The following NRXN3 variants were observed in gnomAD, a reference collection of about 807,000 sequenced individuals.
NRXN3 encodes the protein neurexin III.
Under a neutral mutation model 137.6 loss-of-function variants are expected in NRXN3, and 32 were observed. That is an observed-to-expected ratio of 0.23 (90% confidence interval 0.18 to 0.31). The LOEUF is 0.31. NRXN3 is among the 10% of genes least tolerant of loss of function. The probability of loss-of-function intolerance (pLI) is 1.00; values close to 1 mark genes in which losing one functional copy is unlikely to be tolerated. For synonymous variants in NRXN3, 798 were observed against 784.5 expected, an observed-to-expected ratio of 1.02 and a Z score of -0.29; for missense variants, 1,574 against 2,062.5, an observed-to-expected ratio of 0.76 and a Z score of 4.59.
intron 16 of NRXN3, among the ~76,000 whole-genome samples, chr14:79,539,003 G>A (rs756596389): frequency 4.6e-5 from 7 of 152,156 alleles, no homozygotes; most frequent in Non-Finnish European, 7.3e-5. Context: ...GACACTGAGA[G>A]ATTAAATAAC....
At chr14:78,932,818 T>C (rs892028737) in intron 10 of NRXN3, among the ~76,000 whole-genome samples, 1 of 152,192 alleles carries the variant, frequency 6.6e-6, no homozygotes, top group Non-Finnish European at 1.5e-5. Flanking sequence ...ATATTTTTTA[T>C]TGTTCAATGA....
At chr14:79,204,329 C>T (rs1044559286) in intron 15 of NRXN3, among the ~76,000 whole-genome samples, 1 of 151,630 alleles carries the variant, frequency 6.6e-6, no homozygotes, top group African/African-American at 2.4e-5. Context: ...TTACCTCTTT[C>T]TCCCTCACCC....
At chr14:78,923,053 A>G (rs143265004) in intron 10 of NRXN3, among the ~76,000 whole-genome samples, 30 of 152,098 alleles carry the variant, frequency 2.0e-4, no homozygotes, top group African/African-American at 6.5e-4. Context: ...CCTATGTAGT[A>G]TGTGACTTTC....
intron 15 of NRXN3, among the ~76,000 whole-genome samples, chr14:78,995,180 T>C (rs1390330323): frequency 6.6e-6 from 1 of 152,208 alleles, no homozygotes; most frequent in East Asian, 1.9e-4. Flanking sequence ...GGAAATTGTG[T>C]TCTTGATGAT....
intron 15 of NRXN3, among the ~76,000 whole-genome samples, chr14:79,172,776 T>A (rs2153098863): frequency 6.6e-6 from 1 of 152,284 alleles, no homozygotes; most frequent in East Asian, 1.9e-4. Context: ...CCAAGGAAAA[T>A]ATAAGTAAGA....
chr14:79,420,762 A>G (rs1246813891), intron 15 of NRXN3, among the ~76,000 whole-genome samples: 2 of 152,234 alleles, frequency 1.3e-5, no homozygotes, highest in Admixed American at 6.5e-5. Flanking sequence ...ATCTATTTAT[A>G]TCAACCTTAT....
intron 19 of NRXN3, among the ~76,000 whole-genome samples, chr14:79,739,611 T>C (rs1182635463): frequency 8.2e-6 from 1 of 121,726 alleles, no homozygotes; most frequent in Non-Finnish European, 1.6e-5. Context: ...GCCACTGCAC[T>C]GCACTGCAGC....
At chr14:78,649,058 C>G (rs1028008333) in intron 5 of NRXN3, among the ~76,000 whole-genome samples, 1 of 152,134 alleles carries the variant, frequency 6.6e-6, no homozygotes, top group Admixed American at 6.5e-5. Flanking sequence ...CCATAGAGTC[C>G]TGGTCTCATT....
chr14:78,411,685 C>T (rs2092836237), intron 4 of NRXN3, among the ~76,000 whole-genome samples: 1 of 152,154 alleles, frequency 6.6e-6, no homozygotes, highest in Non-Finnish European at 1.5e-5. Flanking sequence ...TGGGGAAGCC[C>T]CCTAAATTGC....
intron 4 of NRXN3, among the ~76,000 whole-genome samples, chr14:78,589,965 C>G (rs905817970): frequency 6.6e-6 from 1 of 152,036 alleles, no homozygotes; most frequent in Non-Finnish European, 1.5e-5. Context: ...TTGAAACAAA[C>G]AAACAAAAAA....
At position 79,429,092 on chromosome 14, in the gene NRXN3, C is replaced by T. The variant is rs148455160; in HGVS notation, c.3263-38129C>T. On this transcript the variant is annotated intron_variant, in intron 15 of 20. Coordinates refer to ENST00000335750, the MANE Select transcript of NRXN3 (RefSeq NM_001330195.2). ...TGTACTCCCTCTGGTGAATTTAATA[C>T]CAGACGCAACCTAGTTAGAGGTGAC... is the stretch of plus-strand genomic sequence containing the variant. Among the ~76,000 whole-genome samples the T allele has an allele frequency of 9.2e-5, 14 of 152,222 alleles. No individual in the cohort carries two copies. The East Asian group carries it at 2.7e-3, about 29-fold the overall frequency.
chr14:79,145,042 A>G (rs560062563), intron 15 of NRXN3, among the ~76,000 whole-genome samples: 1 of 152,248 alleles, frequency 6.6e-6, no homozygotes, highest in Admixed American at 6.5e-5. Context: ...ATTAAGTCTC[A>G]TGCAATTTCC....
intron 7 of NRXN3, among the ~76,000 whole-genome samples, chr14:78,712,709 C>T (rs969014940): frequency 1.3e-5 from 2 of 152,228 alleles, no homozygotes; most frequent in Middle Eastern, 3.4e-3. Flanking sequence ...ATTACAGGTG[C>T]CTGCCACCAC....
chr14:79,234,328 ATATATATATAT>A lies in NRXN3; in HGVS notation c.3263-232892_3263-232882del, dbSNP rs2072946907. ...TATATATATATATATATATATATAT[ATATATATATAT>A]AATATTTATATATATATTATATATG... On this transcript the variant is annotated intron_variant, in intron 15 of 20. Coordinates refer to ENST00000335750, the MANE Select transcript of NRXN3 (RefSeq NM_001330195.2). Among the ~76,000 whole-genome samples the A allele has an allele frequency of 1.4e-4, 15 of 110,478 alleles. No individual in the cohort carries two copies. In the South Asian group the frequency reaches 1.8e-3, roughly 13 times the overall value. 72.5% of individuals were successfully genotyped at this position (110,478 alleles called of 152,430 possible).
intron 15 of NRXN3, among the ~76,000 whole-genome samples, chr14:79,397,818 T>C (rs2095069775): frequency 6.6e-6 from 1 of 152,174 alleles, no homozygotes; most frequent in Non-Finnish European, 1.5e-5. Context: ...ACATTGACAA[T>C]AGGCAGAAAA....
chr14:78,876,422 G>A (rs910769572), intron 10 of NRXN3, among the ~76,000 whole-genome samples: 12 of 152,184 alleles, frequency 7.9e-5, no homozygotes, highest in South Asian at 2.1e-4. Context: ...ATGTATTTGC[G>A]GATTTATTTA....
At chr14:79,436,110 A>T (rs529958903) in intron 15 of NRXN3, among the ~76,000 whole-genome samples, 4 of 152,036 alleles carry the variant, frequency 2.6e-5, no homozygotes, top group Non-Finnish European at 5.9e-5. Flanking sequence ...CCGCTTTTTC[A>T]TTGGGGGACA....
chr14:79,505,121 A>G (rs370178814), intron 16 of NRXN3, among the ~76,000 whole-genome samples: 10 of 151,764 alleles, frequency 6.6e-5, no homozygotes, highest in African/African-American at 2.4e-4. Context: ...AGGCCGAGGC[A>G]GGAGAATCGC....
intron 16 of NRXN3, among the ~76,000 whole-genome samples, chr14:79,497,735 G>T (rs1325772240): frequency 2.6e-5 from 4 of 152,044 alleles, no homozygotes; most frequent in African/African-American, 7.2e-5. Flanking sequence ...TAGATTTAGT[G>T]AATTAAAAAG....
Sources: allele counts gnomAD v4.1 joint callset (sites outside exome capture counted in the v4.1 genomes callset), GRCh38; gene constraint gnomAD v4.1.1; transcripts MANE v1.5; gene names NCBI Gene and HGNC (gene_info 2026-07-23, HGNC 2026-07-21).